Variants in SENP6 observed in about 807,000 individuals in gnomAD.
SENP6 encodes the protein sentrin-specific protease 6.
In SENP6, 41 loss-of-function variants were observed where a neutral mutation model predicts 134.5. The ratio of observed to expected loss-of-function variants is 0.30; its 90% CI spans 0.24 to 0.40. The LOEUF (loss-of-function observed/expected upper bound fraction) is 0.40. Ranked by LOEUF, SENP6 falls within the 10% of genes least tolerant of loss-of-function variation. SENP6 has a pLI of 1.00. For synonymous variants in SENP6, 395 were observed against 429.8 expected (o/e 0.92, Z 1.00); for missense variants, 1,248 against 1,312.5 (o/e 0.95, Z 0.76).
In SENP6 at chr6:75,678,546, A is replaced by G. The variant is rs376914581; in HGVS notation, c.1849-37A>G. 255 of 995,702 alleles carry G rather than the reference A, an allele frequency of 2.6e-4. 2 individuals are homozygous for G. The highest frequency in any genetic ancestry group is 3.8e-4 in the Non-Finnish European group (243 of 641,832). 61.7% of individuals were successfully genotyped at this position (995,702 alleles called of 1,614,324 possible). A position where few individuals can be genotyped will look rare whatever the true frequency, so the allele number is the denominator to read the frequency against. ...ACCCTTTTTATTGAAACTTTTCCTA[A>G]TTGACTGTAAATTGCTAATTTAATT... On this transcript the variant is annotated intron_variant, in intron 14 of 23. Transcript: ENST00000447266.
In SENP6 at chr6:75,700,565, C is replaced by T. The variant is rs1439448070; in HGVS notation, c.2289-2080C>T. ...GCAGTGGCACCATCTCGGCTCACTG[C>T]AATCTCCGCCTCCCAGGCTCAAGCT... On this transcript the variant is annotated intron_variant, in intron 18 of 23. Transcript: ENST00000447266. Among the ~76,000 whole-genome samples, 5 of 152,088 alleles carry T rather than the reference C, an allele frequency of 3.3e-5. No individual in the cohort carries two copies. The South Asian group carries it at 8.3e-4, about 25-fold the overall frequency.
At chr6:75,650,799 T>G (rs904670993) in intron 7 of SENP6, among the ~76,000 whole-genome samples, 5 of 152,192 alleles carry the variant, frequency 3.3e-5, no homozygotes, top group Non-Finnish European at 1.5e-5. Context: ...AAGATTTCCT[T>G]TGGAGATAAC....
intron 6 of SENP6, among the ~76,000 whole-genome samples, chr6:75,643,304 A>G (rs1268662294): frequency 2.0e-5 from 3 of 152,252 alleles, no homozygotes; most frequent in Non-Finnish European, 2.9e-5. Flanking sequence ...CAGCTATACT[A>G]CATTGTTTAC....
intron 16 of SENP6, among the ~76,000 whole-genome samples, chr6:75,682,870 G>A (rs1219024535): frequency 6.6e-6 from 1 of 152,124 alleles, no homozygotes; most frequent in Non-Finnish European, 1.5e-5. Context: ...AAACATACAT[G>A]TGCATGTGTC....
chr6:75,648,880 G>C (rs1770651597), intron 7 of SENP6, among the ~76,000 whole-genome samples: 1 of 152,134 alleles, frequency 6.6e-6, no homozygotes, highest in African/African-American at 2.4e-5. Context: ...GACAGAGCTG[G>C]TATTGGAACC....
intron 6 of SENP6, among the ~76,000 whole-genome samples, chr6:75,645,949 G>A (rs1425278278): frequency 6.6e-6 from 1 of 152,198 alleles, no homozygotes; most frequent in Non-Finnish European, 1.5e-5. Context: ...TATTCAGCAT[G>A]TTGTCCCTCA....
At chr6:75,666,073 GAT>G (rs573955705) in intron 9 of SENP6, among the ~76,000 whole-genome samples, 1,671 of 120,998 alleles carry the variant, frequency 0.014, 30 homozygotes, top group African/African-American at 0.045. Flanking sequence ...ACGTATATAT[GAT>G]ATATATAAAA....
In SENP6 at chr6:75,678,631, T is replaced by G; in HGVS notation, c.1897T>G (p.Phe633Val). Reference protein sequence around the residue: ...IQLRSKQEFQFFDEEEETGEN... With the variant: ...IQLRSKQEFQVFDEEEETGEN... The stretch of plus-strand genomic sequence containing the variant: ...ACTTAGAAGCAAACAAGAATTTCAG[T>G]TTTTTGATGAAGAAGAAGAAACTGG... Residue 633 changes from phenylalanine to valine, a missense_variant, in exon 15 of 24, where the codon TTT becomes GTT. Phe to Val is a conservative substitution (Grantham distance 50). Transcript: ENST00000447266. 1 of 1,603,662 alleles carries G rather than the reference T, an allele frequency of 6.2e-7. No individual in the cohort carries two copies. The highest frequency in any genetic ancestry group is 8.5e-7 in the Non-Finnish European group (1 of 1,173,064).
rs772871460 is a variant in SENP6, at chr6:75,621,596, A to G, written c.117A>G (p.Glu39=). 6.2e-7 allele frequency: 1 copy of G among 1,610,506 alleles called. No individual in the cohort carries two copies. The highest frequency in any genetic ancestry group is 2.2e-5 in the East Asian group (1 of 44,654). Residue 39 remains glutamate, a synonymous_variant, in exon 2 of 24, where the codon GAA becomes GAG. Transcript: ENST00000447266. ...GFKNNWSFDH[E]EESEGDTDKD... ...AAAATAATTGGAGCTTTGATCATGA[A>G]GAAGAAAGTGAAGGAGATACAGATA...
chr6:75,603,269 T>C (rs150456176), intron 1 of SENP6, among the ~76,000 whole-genome samples: 22 of 152,272 alleles, frequency 1.4e-4, no homozygotes, highest in African/African-American at 4.8e-4. Flanking sequence ...TAAGCCAGCC[T>C]CAAGAAAAGC....
intron 16 of SENP6, among the ~76,000 whole-genome samples, chr6:75,683,554 A>C (rs1168632416): frequency 6.6e-6 from 1 of 152,144 alleles, no homozygotes; most frequent in African/African-American, 2.4e-5. Context: ...TCTTTAATCC[A>C]TCTTGAATTA....
At chr6:75,696,006 A>G (rs1380521648) in intron 17 of SENP6, 83 bp downstream of exon 17, 22 of 1,258,254 alleles carry the variant, frequency 1.7e-5, no homozygotes, top group Non-Finnish European at 2.2e-5. Flanking sequence ...GAAAGAAAAC[A>G]CAAATCTCTG....
chr6:75,640,614 C>T, intron 5 of SENP6, 70 bp from the exon 6 acceptor site: 1 of 988,964 alleles, frequency 1.0e-6, no homozygotes, highest in Non-Finnish European at 1.4e-6. Flanking sequence ...ACTATAGTTA[C>T]TGCAACTACA....
At chr6:75,663,103 T>G (rs1290632216) in intron 8 of SENP6, 118 bp from the exon 9 acceptor site, 6 of 992,926 alleles carry the variant, frequency 6.0e-6, no homozygotes, top group Non-Finnish European at 8.9e-6. Context: ...TGCCAAAATC[T>G]TTTATTTCTT....
chr6:75,639,233 T>G (rs992032327), intron 5 of SENP6, among the ~76,000 whole-genome samples: 6 of 152,210 alleles, frequency 3.9e-5, no homozygotes, highest in Non-Finnish European at 8.8e-5. Flanking sequence ...TAAACTTTTA[T>G]GTTTATATTT....
intron 1 of SENP6, among the ~76,000 whole-genome samples, chr6:75,609,608 A>C (rs1361923500): frequency 2.0e-5 from 3 of 152,228 alleles, no homozygotes; most frequent in Non-Finnish European, 2.9e-5. Context: ...GTATTTTTCA[A>C]CAGTCATGTG....
intron 1 of SENP6, among the ~76,000 whole-genome samples, chr6:75,620,939 C>G (rs1768220734): frequency 6.6e-6 from 1 of 152,142 alleles, no homozygotes; most frequent in Non-Finnish European, 1.5e-5. Context: ...TCATTTAGCT[C>G]TCTGGGTTCC....
intron 5 of SENP6, among the ~76,000 whole-genome samples, chr6:75,638,578 GTGTGTGTGTGTGTATATA>G (rs1332679657): frequency 3.5e-4 from 5 of 14,244 alleles, no homozygotes; most frequent in African/African-American, 6.2e-4. Context: ...GTGTGTGTGT[GTGTGTGTGTGTGTATATA>G]TATATATATA....
chr6:75,683,996 C>T (rs1156347517), intron 16 of SENP6, among the ~76,000 whole-genome samples: 1 of 152,110 alleles, frequency 6.6e-6, no homozygotes, highest in African/African-American at 2.4e-5. Flanking sequence ...GCAGTATGGC[C>T]ATTTTCATGA....
Sources: allele counts gnomAD v4.1 joint callset (sites outside exome capture counted in the v4.1 genomes callset), GRCh38; gene constraint gnomAD v4.1.1; transcripts MANE v1.5; gene names NCBI Gene and HGNC (gene_info 2026-07-23, HGNC 2026-07-21).